Variants in ASAP3 observed in about 807,000 individuals in gnomAD.
ASAP3 encodes ArfGAP with SH3 domain, ankyrin repeat and PH domain 3.
In ASAP3, 85 loss-of-function variants were observed where a neutral mutation model predicts 118.2. That is an observed-to-expected ratio of 0.72 (90% CI 0.60 to 0.86). The LOEUF is 0.86. ASAP3 is among the 40% of genes least tolerant of loss of function. The pLI is 0.00. For missense variants in ASAP3, 1,026 were observed against 1,175.0 expected, an observed-to-expected ratio of 0.87 and a Z score of 1.85; for synonymous variants, 432 against 477.4, an observed-to-expected ratio of 0.90 and a Z score of 1.24.
chr1:23,467,720 G>A (rs1304663776), intron 1 of ASAP3, among the ~76,000 whole-genome samples: 1 of 151,980 alleles, frequency 6.6e-6, no homozygotes, highest in Non-Finnish European at 1.5e-5. Context: ...GGGAGGCAGA[G>A]GGAGGTGGAT....
intron 4 of ASAP3, among the ~76,000 whole-genome samples, chr1:23,452,135 T>C (rs1273877890): frequency 6.6e-6 from 1 of 152,024 alleles, no homozygotes; most frequent in Admixed American, 6.6e-5. Flanking sequence ...GCTGCCTGTC[T>C]GGTTTGTGTG....
intron 1 of ASAP3, among the ~76,000 whole-genome samples, chr1:23,460,155 G>C (rs1265208626): frequency 6.6e-6 from 1 of 152,024 alleles, no homozygotes; most frequent in Non-Finnish European, 1.5e-5. Flanking sequence ...AAAAAGGAAG[G>C]GAGGGACTAC....
At position 23,438,724 on chromosome 1, in the gene ASAP3, G is replaced by C; in HGVS notation, c.1102+23C>G. The C allele has an allele frequency of 1.9e-6, 3 of 1,610,558 alleles. No individual in the cohort carries two copies. The highest frequency in any genetic ancestry group is 2.5e-6 in the Non-Finnish European group (3 of 1,176,852). Reference sequence around the variant, plus strand: ...GAAGCCCTGAGCAGCTGTGGGTGGGGGAGAGGCACAGGGACCACTCACGGG... The same window carrying C: ...GAAGCCCTGAGCAGCTGTGGGTGGGCGAGAGGCACAGGGACCACTCACGGG... On this transcript the variant is annotated intron_variant, in intron 12 of 24. Transcript: ENST00000336689. This position sits in a 1 kb window ranked among gnomAD's most constrained non-coding sequence, Gnocchi z 4.9.
In ASAP3 at chr1:23,434,626, C is replaced by G; in HGVS notation, c.1750-8G>C. On this transcript the variant is annotated splice_polypyrimidine_tract_variant and splice_region_variant and intron_variant, in intron 17 of 24. Transcript: ENST00000336689. ...GACGAGTTCTTCAGGTGCCTGAAAA[C>G]ACATCCACACCTCTGAGATTCCCCC... The G allele has an allele frequency of 6.2e-7, 1 of 1,613,036 alleles. No homozygotes were observed.
At chr1:23,452,453 G>T (rs1641246737) in intron 4 of ASAP3, among the ~76,000 whole-genome samples, 1 of 152,166 alleles carries the variant, frequency 6.6e-6, no homozygotes. Context: ...TACCCACAAA[G>T]CCTACCTCAT....
intron 17 of ASAP3, 184 bp downstream of exon 17, chr1:23,435,665 CAG>C (rs539011721): frequency 3.1e-4 from 214 of 694,020 alleles, no homozygotes; most frequent in South Asian, 9.7e-4. Context: ...TAGGAAAAAA[CAG>C]AGCCAGGATT....
At position 23,436,518 on chromosome 1, in the gene ASAP3, A is replaced by C; in HGVS notation, c.1571+42T>G. On this transcript the variant is annotated intron_variant, in intron 16 of 24. Coordinates refer to ENST00000336689, the MANE Select transcript of ASAP3 (RefSeq NM_017707.4). This position sits in a 1 kb window ranked among gnomAD's most constrained non-coding sequence, Gnocchi z 4.2. ...CGACCCTGGACACTGCGGAGGCAGA[A>C]TCCCCTAGGCAGGGTGCCCCTCTCT... The C allele has an allele frequency of 6.3e-7, 1 of 1,598,660 alleles. No individual in the cohort carries two copies. Among genetic ancestry groups the C allele is most frequent in the Non-Finnish European group, 8.6e-7 (1 of 1,165,936 alleles).
chr1:23,472,674 T>C (rs993171418), intron 1 of ASAP3, among the ~76,000 whole-genome samples: 14 of 152,174 alleles, frequency 9.2e-5, no homozygotes, highest in East Asian at 1.9e-4. Flanking sequence ...CTCATCCCTA[T>C]TGCAATTACT....
At position 23,436,124 on chromosome 1, in the gene ASAP3, C is replaced by A; in HGVS notation, c.1572-96G>T. ...CAGGAGATACAGCTCTCTTTTTCTCCAGAACCATGTCCTGAAGACGTCTAG... is the reference window on the plus strand; with the variant it reads ...CAGGAGATACAGCTCTCTTTTTCTCAAGAACCATGTCCTGAAGACGTCTAG... On this transcript the variant is annotated intron_variant, in intron 16 of 24. Coordinates refer to ENST00000336689, the MANE Select transcript of ASAP3 (RefSeq NM_017707.4). The surrounding 1 kb of genome is among the most constrained non-coding windows in gnomAD (Gnocchi z 4.2). 7.2e-7 allele frequency: 1 copy of A among 1,390,276 alleles called. No individual in the cohort carries two copies. Among genetic ancestry groups the A allele is most frequent in the South Asian group, 1.2e-5 (1 of 81,894 alleles). 86.1% of individuals were successfully genotyped at this position (1,390,276 alleles called of 1,614,324 possible). A position where few individuals can be genotyped will look rare whatever the true frequency, so the allele number is the denominator to read the frequency against.
intron 3 of ASAP3, among the ~76,000 whole-genome samples, chr1:23,453,602 T>A (rs1170178010): frequency 1.3e-5 from 2 of 152,158 alleles, no homozygotes; most frequent in African/African-American, 4.8e-5. Context: ...TTTAAAAATT[T>A]AACCTAGTTT....
In ASAP3 at chr1:23,436,058, C is replaced by G; in HGVS notation, c.1572-30G>C. 1 of 1,612,050 alleles carries G rather than the reference C, an allele frequency of 6.2e-7. No individual in the cohort carries two copies. Among genetic ancestry groups the G allele is most frequent in the Non-Finnish European group, 8.5e-7 (1 of 1,178,226 alleles). ...CAAAAACAACCACAGGATCTCAGAG[C>G]ATGGACCGTGTCTGCCCAGCTGATC... On this transcript the variant is annotated intron_variant, in intron 16 of 24. Coordinates refer to ENST00000336689, the MANE Select transcript of ASAP3 (RefSeq NM_017707.4). This position sits in a 1 kb window ranked among gnomAD's most constrained non-coding sequence, Gnocchi z 4.2.
chr1:23,470,788 G>A (rs941763276), intron 1 of ASAP3, among the ~76,000 whole-genome samples: 4 of 152,218 alleles, frequency 2.6e-5, no homozygotes, highest in African/African-American at 9.6e-5. Flanking sequence ...TGTCCCTTGT[G>A]GGGTGGTGGG....
At chr1:23,473,158 A>T (rs1642014650) in intron 1 of ASAP3, among the ~76,000 whole-genome samples, 1 of 152,164 alleles carries the variant, frequency 6.6e-6, no homozygotes. Flanking sequence ...TTCAGTGGGC[A>T]TGCAATAGCT....
chr1:23,482,964 G>A (rs1484727655), intron 1 of ASAP3, among the ~76,000 whole-genome samples: 1 of 149,254 alleles, frequency 6.7e-6, no homozygotes, highest in African/African-American at 2.5e-5. Context: ...AAAAAAAAAA[G>A]GAAAGAAAAA....
Position 23,436,934 on chromosome 1 carries a change from G to A in ASAP3, c.1453C>T (p.Leu485=), listed in dbSNP as rs755528864. The part of the protein sequence containing the change: ...FSRMQSLTLD[L]LGPSELLLAL... ...ACCAACAACTCGGAGGGGCCCAGCA[G>A]GTCCAAGGTGAGTGACTGCATGCGC... The change falls in exon 15 of 25, where the codon CTG becomes TTG. Residue 485 remains leucine (L), a synonymous_variant. Coordinates refer to ENST00000336689, the MANE Select transcript of ASAP3 (RefSeq NM_017707.4). This position sits in a 1 kb window ranked among gnomAD's most constrained non-coding sequence, Gnocchi z 4.2. 1.4e-5 allele frequency: 23 copies of A among 1,612,218 alleles called. No homozygotes were observed. Among genetic ancestry groups the A allele is most frequent in the Non-Finnish European group, 3.4e-6 (4 of 1,179,854 alleles).
chr1:23,433,415 TG>T lies in ASAP3; in HGVS notation c.2127+9del. On this transcript the variant is annotated intron_variant, in intron 21 of 24. Transcript: ENST00000336689. ...CATCCAGAGGCCTGAGGGACAGGGC[TG>T]GGACCCACCTTCTCTTCCTCATCCT... 6.2e-7 allele frequency: 1 copy of T among 1,614,186 alleles called. No homozygotes were observed. Among genetic ancestry groups the T allele is most frequent in the Non-Finnish European group, 8.5e-7 (1 of 1,180,040 alleles).
intron 1 of ASAP3, among the ~76,000 whole-genome samples, chr1:23,471,017 CT>C (rs1641945734): frequency 2.0e-5 from 3 of 152,356 alleles, no homozygotes; most frequent in South Asian, 2.1e-4. Flanking sequence ...GGGGAAGAAC[CT>C]GGCCTGCCCT....
chr1:23,431,069 G>A lies in ASAP3; in HGVS notation c.2603C>T (p.Ser868Leu), dbSNP rs765881891. The A allele has an allele frequency of 3.1e-6, 5 of 1,589,832 alleles. No individual in the cohort carries two copies. Among genetic ancestry groups the A allele is most frequent in the African/African-American group, 1.3e-5 (1 of 74,670 alleles). The change falls in exon 24 of 25, where the codon TCA becomes TTA. Residue 868 changes from serine to leucine, a missense_variant. Ser to Leu is a moderately radical substitution (Grantham distance 145). Coordinates refer to ENST00000336689, the MANE Select transcript of ASAP3 (RefSeq NM_017707.4). ...CCTTCTGGGCAGAGGCTGCCTGGCTGAGGGACCATCTTCAGGGCTCCGCGC... is the reference window on the plus strand; with the variant it reads ...CCTTCTGGGCAGAGGCTGCCTGGCTAAGGGACCATCTTCAGGGCTCCGCGC... ...RGARSPEDGP[S>L]ARQPLPRRNV... is the part of the protein sequence containing the mutation.
intron 5 of ASAP3, among the ~76,000 whole-genome samples, chr1:23,446,095 T>A (rs937635960): frequency 1.4e-4 from 22 of 152,134 alleles, no homozygotes; most frequent in African/African-American, 5.1e-4. Context: ...ATCCTCAGAT[T>A]TTGGTATCTG....
Sources: gnomAD v4.1 joint callset for allele counts (sites outside exome capture counted in the v4.1 genomes callset) on GRCh38, gnomAD v4.1.1 for gene constraint, Gnocchi (gnomAD v3.1) non-coding constraint, MANE v1.5 for transcripts, NCBI Gene and HGNC (gene_info 2026-07-23, HGNC 2026-07-21) for gene names.